Variants in MAP2K5 observed in about 807,000 individuals in gnomAD.
MAP2K5 encodes the protein mitogen-activated protein kinase kinase 5.
Under a neutral mutation model 83.1 loss-of-function variants are expected in MAP2K5, and 49 were observed. The ratio of observed to expected loss-of-function variants is 0.59; its 90% CI spans 0.47 to 0.75. The LOEUF (loss-of-function observed/expected upper bound fraction) is 0.75, where lower values mean the gene tolerates loss of function less well. Ranked by LOEUF, MAP2K5 falls within the 30% of genes least tolerant of loss-of-function variation. MAP2K5 has a pLI of 0.00. For synonymous variants in MAP2K5, 202 were observed against 191.8 expected (o/e 1.05, Z -0.44); for missense variants, 457 against 557.5 (o/e 0.82, Z 1.82).
At chr15:67,579,225 A>C (rs1164071936) in intron 3 of MAP2K5, among the ~76,000 whole-genome samples, 1 of 152,086 alleles carries the variant, frequency 6.6e-6, no homozygotes, top group Non-Finnish European at 1.5e-5. Context: ...CCAAATAGCC[A>C]CTGGCATCTT....
intron 11 of MAP2K5, among the ~76,000 whole-genome samples, chr15:67,647,283 A>G (rs1484764542): frequency 6.6e-6 from 1 of 152,242 alleles, no homozygotes; most frequent in Non-Finnish European, 1.5e-5. Flanking sequence ...CATGCTCTAA[A>G]TTAGTTATAG....
chr15:67,604,514 C>T (rs2085735192), intron 8 of MAP2K5, among the ~76,000 whole-genome samples: 1 of 152,154 alleles, frequency 6.6e-6, no homozygotes, highest in South Asian at 2.1e-4. Flanking sequence ...TGAATCCTGC[C>T]TCTGTCACTA....
At chr15:67,744,646 T>G (rs2089564140) in intron 17 of MAP2K5, among the ~76,000 whole-genome samples, 1 of 152,230 alleles carries the variant, frequency 6.6e-6, no homozygotes, top group African/African-American at 2.4e-5. Flanking sequence ...CAAGATCTGT[T>G]TTACCACTTA....
intron 8 of MAP2K5, among the ~76,000 whole-genome samples, chr15:67,606,131 A>G (rs2085773964): frequency 6.6e-6 from 1 of 152,194 alleles, no homozygotes; most frequent in African/African-American, 2.4e-5. Context: ...TTGGCATATC[A>G]TTTGATGGAG....
chr15:67,732,798 C>T (rs1394841798), intron 17 of MAP2K5, among the ~76,000 whole-genome samples: 4 of 152,114 alleles, frequency 2.6e-5, no homozygotes, highest in East Asian at 1.9e-4. Context: ...ATCGTACTTC[C>T]GGAGGCCAAA....
At chr15:67,659,400 ACAACT>A (rs2087177338) in intron 12 of MAP2K5, 1 of 152,300 alleles carries the variant, frequency 6.6e-6, no homozygotes, top group South Asian at 2.1e-4. Context: ...CATCAAACTG[ACAACT>A]CAAATTCTTT....
rs879911160 is a variant in MAP2K5, at chr15:67,708,802, TA to T, written c.1044+5405del. On this transcript the variant is annotated intron_variant, in intron 16 of 21. Coordinates refer to ENST00000178640, the MANE Select transcript of MAP2K5 (RefSeq NM_145160.3). This position sits in a 1 kb window ranked among gnomAD's most constrained non-coding sequence, Gnocchi z 4.9. ...GCTACATGCTGCTAAAATGTGCCATTAAAAAAAAAAACTCACTGACAGGTAC... is the reference window on the plus strand; with the variant it reads ...GCTACATGCTGCTAAAATGTGCCATTAAAAAAAAAACTCACTGACAGGTAC... Among the ~76,000 whole-genome samples, 28 of 147,066 alleles carry T rather than the reference TA, an allele frequency of 1.9e-4. No individual in the cohort carries two copies. Among genetic ancestry groups the T allele is most frequent in the Middle Eastern group, 3.5e-3 (1 of 284 alleles).
rs971346124 is a variant in MAP2K5 at position 67,747,108 on chromosome 15, G to A, written c.1075-1123G>A. ...AGCCCCAGCACCACCACACCCTGGC[G>A]CTGAGGCCTCAGGCCCGGACACTGT... On this transcript the variant is annotated intron_variant, in intron 17 of 21. Transcript: ENST00000178640. This position sits in a 1 kb window ranked among gnomAD's most constrained non-coding sequence, Gnocchi z 4.1. Among the ~76,000 whole-genome samples, 1 of 152,198 alleles carries A rather than the reference G, an allele frequency of 6.6e-6. No homozygotes were observed. The highest frequency in any genetic ancestry group is 6.5e-5 in the Admixed American group (1 of 15,280).
At position 67,720,089 on chromosome 15, in the gene MAP2K5, C is replaced by A. The variant is rs1024553974; in HGVS notation, c.1045-7827C>A. Among the ~76,000 whole-genome samples, 1 of 152,002 alleles carries A rather than the reference C, an allele frequency of 6.6e-6. No homozygotes were observed. ...GCATTTTTAAATTGAGGGTTTTTTCCCCTTTTTTATTTATCAATTAGCTGC... is the reference window on the plus strand; with the variant it reads ...GCATTTTTAAATTGAGGGTTTTTTCACCTTTTTTATTTATCAATTAGCTGC... On this transcript the variant is annotated intron_variant, in intron 16 of 21. Transcript: ENST00000178640. This position sits in a 1 kb window ranked among gnomAD's most constrained non-coding sequence, Gnocchi z 5.7.
At chr15:67,671,806 T>TC (rs1205693293) in intron 13 of MAP2K5, among the ~76,000 whole-genome samples, 2 of 87,664 alleles carry the variant, frequency 2.3e-5, no homozygotes, top group Admixed American at 1.4e-4. Flanking sequence ...ATGCTATCCC[T>TC]CCCCCCTCCC....
intron 8 of MAP2K5, among the ~76,000 whole-genome samples, chr15:67,616,727 C>G (rs1345117521): frequency 6.6e-6 from 1 of 152,312 alleles, no homozygotes; most frequent in East Asian, 1.9e-4. Context: ...ATAACCATCA[C>G]TTTCTTTCTT....
intron 6 of MAP2K5, among the ~76,000 whole-genome samples, chr15:67,590,719 G>T (rs555812459): frequency 6.6e-6 from 1 of 152,204 alleles, no homozygotes; most frequent in East Asian, 1.9e-4. Flanking sequence ...ATCCCAAAGT[G>T]CTGGGATTAC....
In MAP2K5 at chr15:67,774,373, T is replaced by G. The variant is rs565208924; in HGVS notation, c.1242+1621T>G. Among the ~76,000 whole-genome samples, 59 of 152,122 alleles carry G rather than the reference T, an allele frequency of 3.9e-4. No homozygotes were observed. The highest frequency in any genetic ancestry group is 6.2e-4 in the Non-Finnish European group (42 of 68,024). Reference sequence around the variant, plus strand: ...TAACATTATTTCTAGTACTGCTCACTGTTTGATTTTAAATGAATGCATTCC... The same window carrying G: ...TAACATTATTTCTAGTACTGCTCACGGTTTGATTTTAAATGAATGCATTCC... On this transcript the variant is annotated intron_variant, in intron 21 of 21. Coordinates refer to ENST00000178640, the MANE Select transcript of MAP2K5 (RefSeq NM_145160.3). The surrounding 1 kb of genome is among the most constrained non-coding windows in gnomAD (Gnocchi z 4.9).
chr15:67,651,227 C>A (rs990015113), intron 11 of MAP2K5, among the ~76,000 whole-genome samples: 1 of 152,098 alleles, frequency 6.6e-6, no homozygotes, highest in Non-Finnish European at 1.5e-5. Context: ...ATAAATAAAT[C>A]AATCAAAATT....
chr15:67,605,524 T>G (rs2085761251), intron 8 of MAP2K5, among the ~76,000 whole-genome samples: 1 of 152,248 alleles, frequency 6.6e-6, no homozygotes, highest in Admixed American at 6.5e-5. Flanking sequence ...AATGATTTTT[T>G]AAAGTTTCAA....
rs2089642392 is a variant in MAP2K5, at chr15:67,748,067, G to C, written c.1075-164G>C. Among the ~76,000 whole-genome samples, 1 of 152,188 alleles carries C rather than the reference G, an allele frequency of 6.6e-6. No homozygotes were observed. Among genetic ancestry groups the C allele is most frequent in the African/African-American group, 2.4e-5 (1 of 41,446 alleles). ...ATTCTGCTGACTTTCGCCTATAAAT[G>C]AGAAGCGAGCTATTAACATTTGTGT... On this transcript the variant is annotated intron_variant, in intron 17 of 21. Coordinates refer to ENST00000178640, the MANE Select transcript of MAP2K5 (RefSeq NM_145160.3). The surrounding 1 kb of genome is among the most constrained non-coding windows in gnomAD (Gnocchi z 4.0).
chr15:67,705,147 A>C (rs570871826), intron 16 of MAP2K5, among the ~76,000 whole-genome samples: 1 of 152,386 alleles, frequency 6.6e-6, no homozygotes, highest in Non-Finnish European at 1.5e-5. Context: ...AAAATGACAT[A>C]AAATGCAGAG....
chr15:67,643,570 C>A (rs942015506), intron 9 of MAP2K5, among the ~76,000 whole-genome samples: 4 of 152,176 alleles, frequency 2.6e-5, no homozygotes, highest in African/African-American at 4.8e-5. Context: ...CCTTAGCCTC[C>A]CAAGTAGCTG....
rs527292373 is a variant in MAP2K5, at chr15:67,638,915, G to C, written c.586-7316G>C. ...CGTGTCCTTTGCCCACTTTTTAATGGGGTTGTCTTTTTCTTACAAATTTGT... is the reference window on the plus strand; with the variant it reads ...CGTGTCCTTTGCCCACTTTTTAATGCGGTTGTCTTTTTCTTACAAATTTGT... On this transcript the variant is annotated intron_variant, in intron 9 of 21. Transcript: ENST00000178640. This position sits in a 1 kb window ranked among gnomAD's most constrained non-coding sequence, Gnocchi z 4.5. Among the ~76,000 whole-genome samples, 1 of 151,996 alleles carries C rather than the reference G, an allele frequency of 6.6e-6. No homozygotes were observed. The highest frequency in any genetic ancestry group is 2.1e-4 in the South Asian group (1 of 4,804).
Sources: allele counts gnomAD v4.1 joint callset (sites outside exome capture counted in the v4.1 genomes callset), GRCh38; gene constraint gnomAD v4.1.1; non-coding constraint Gnocchi (gnomAD v3.1); transcripts MANE v1.5; gene names NCBI Gene and HGNC (gene_info 2026-07-23, HGNC 2026-07-21).